Variants in SEC14L4 observed in about 807,000 individuals in gnomAD.
SEC14L4 encodes SEC14-like protein 4.
In SEC14L4, 42 loss-of-function variants were observed where a neutral mutation model predicts 55.1. That is an observed-to-expected ratio of 0.76 (90% CI 0.60 to 0.99). SEC14L4 has a LOEUF of 0.99. Among genes scored for constraint, SEC14L4 ranks in the 50% least tolerant of loss-of-function variants. The probability of loss-of-function intolerance (pLI) is 0.00; values close to 1 mark genes in which losing one functional copy is unlikely to be tolerated. For missense variants in SEC14L4, 445 were observed against 512.1 expected, an observed-to-expected ratio of 0.87 and a Z score of 1.27; for synonymous variants, 206 against 206.8, an observed-to-expected ratio of 1.00 and a Z score of 0.03.
In SEC14L4 at chr22:30,494,946, C is replaced by T. The variant is rs202208921; in HGVS notation, c.439G>A (p.Glu147Lys). Residue 147 changes from glutamate (E) to lysine (K), a missense_variant, in exon 6 of 12, where the codon GAG (glutamate) becomes AAG (lysine). Glu to Lys is a moderately conservative substitution (Grantham distance 56). Coordinates refer to ENST00000255858, the MANE Select transcript of SEC14L4 (RefSeq NM_174977.4). ...LQTQKLGRKI[E>K]MALMVFDMEG... is the part of the protein sequence containing the mutation. ...ATGTCAAACACCATCAGCGCCATCT[C>T]GATCTTCCTGCCCAGCTGCTTGGGA... 1.6e-5 allele frequency: 26 copies of T among 1,613,300 alleles called. No individual in the cohort carries two copies. The highest frequency in any genetic ancestry group is 4.0e-5 in the African/African-American group (3 of 74,816).
chr22:30,491,641 G>A lies in SEC14L4; in HGVS notation c.1013C>T (p.Pro338Leu). 6 of 1,614,150 alleles carry A rather than the reference G, an allele frequency of 3.7e-6. No homozygotes were observed. The highest frequency in any genetic ancestry group is 5.1e-6 in the Non-Finnish European group (6 of 1,180,018). ...QSAREMTEVL[P>L]SQRYNAHMVP... ...CATGTGGGCATTGTAGCGCTGGCTG[G>A]GCAGCACCTCCGTCATCTCCCTAGC... Residue 338 changes from proline (P) to leucine (L), a missense_variant, in exon 11 of 12, where the codon CCC (proline) becomes CTC (leucine). Transcript: ENST00000255858.
intron 2 of SEC14L4, among the ~76,000 whole-genome samples, chr22:30,497,480 G>A (rs897643866): frequency 4.7e-5 from 7 of 150,498 alleles, no homozygotes; most frequent in South Asian, 2.1e-4. Context: ...AGCCAAGATC[G>A]CACTACTGCA....
intron 11 of SEC14L4, 56 bp downstream of exon 11, chr22:30,491,517 C>T: frequency 6.2e-7 from 1 of 1,600,950 alleles, no homozygotes; most frequent in Non-Finnish European, 8.5e-7. Flanking sequence ...AAAGAGAGGG[C>T]AAGCAGAGGG....
intron 7 of SEC14L4, among the ~76,000 whole-genome samples, chr22:30,493,083 CAAAA>C (rs10593638): frequency 7.5e-5 from 6 of 80,440 alleles, no homozygotes; most frequent in Admixed American, 1.3e-4. Context: ...GATTCCATCT[CAAAA>C]AAAAAAAAAA....
chr22:30,505,687 C>A lies in SEC14L4; in HGVS notation c.-76G>T. On this transcript the variant is annotated 5_prime_UTR_variant, in exon 1 of 12. Coordinates refer to ENST00000255858, the MANE Select transcript of SEC14L4 (RefSeq NM_174977.4). ...CCGCCTGGCCTTGTATCCGCTGCCGCCTGGTTGTGCCTCCTGGGCCAGATG... is the reference window on the plus strand; with the variant it reads ...CCGCCTGGCCTTGTATCCGCTGCCGACTGGTTGTGCCTCCTGGGCCAGATG... 1 of 1,371,520 alleles carries A rather than the reference C, an allele frequency of 7.3e-7. No homozygotes were observed. The highest frequency in any genetic ancestry group is 9.8e-7 in the Non-Finnish European group (1 of 1,015,448). The allele number at this position is 1,371,520 out of a possible 1,614,324, so 85.0% of individuals were successfully genotyped here. A position where few individuals can be genotyped will look rare whatever the true frequency, so the allele number is the denominator to read the frequency against.
intron 2 of SEC14L4, among the ~76,000 whole-genome samples, chr22:30,502,598 T>C (rs1189937140): frequency 6.6e-6 from 1 of 152,232 alleles, no homozygotes; most frequent in Admixed American, 6.5e-5. Flanking sequence ...TCGCCTAGGC[T>C]GGAGTGCAGT....
rs1283506877 is a variant in SEC14L4 at position 30,503,728 on chromosome 22, G to A, written c.79C>T (p.Leu27=). The A allele has an allele frequency of 6.2e-7, 1 of 1,612,406 alleles. No individual in the cohort carries two copies. Residue 27 remains leucine (L), a synonymous_variant, in exon 2 of 12, where the codon CTG becomes TTG. Transcript: ENST00000255858. The part of the protein sequence containing the change: ...ARFRENLQDL[L]PILPNADDYF... ...TCATCAGCATTGGGCAGTATGGGCA[G>A]CAGGTCCTGGAGGTTCTCCCGGAAC...
chr22:30,505,613 G>A lies in SEC14L4; in HGVS notation c.-2C>T, dbSNP rs902357633. 1.9e-6 allele frequency: 3 copies of A among 1,555,144 alleles called. No individual in the cohort carries two copies. Among genetic ancestry groups the A allele is most frequent in the South Asian group, 1.2e-5 (1 of 85,056 alleles). The stretch of plus-strand genomic sequence containing the variant: ...CAGGTCCCCGACTCGGCTGCTCATG[G>A]TGCCCGCGGGCGCAGAAAGGCTCAG... On this transcript the variant is annotated 5_prime_UTR_variant, in exon 1 of 12. Coordinates refer to ENST00000255858, the MANE Select transcript of SEC14L4 (RefSeq NM_174977.4).
intron 1 of SEC14L4, 98 bp downstream of exon 1, chr22:30,505,460 G>T: frequency 8.0e-7 from 1 of 1,254,364 alleles, no homozygotes. Flanking sequence ...CTCCAGGCTC[G>T]GTGTTCCAGT....
intron 10 of SEC14L4, 44 bp from the exon 11 acceptor site, chr22:30,491,786 C>T (rs1298425911): frequency 1.3e-5 from 21 of 1,612,220 alleles, no homozygotes; most frequent in Non-Finnish European, 1.6e-5. Context: ...GCCTGGGCTC[C>T]AGGCCCCTCC....
chr22:30,505,663 C>G lies in SEC14L4; in HGVS notation c.-52G>C. 1 of 1,494,716 alleles carries G rather than the reference C, an allele frequency of 6.7e-7. No individual in the cohort carries two copies. Among genetic ancestry groups the G allele is most frequent in the Non-Finnish European group, 8.9e-7 (1 of 1,120,586 alleles). 92.6% of individuals were successfully genotyped at this position (1,494,716 alleles called of 1,614,324 possible). A position where few individuals can be genotyped will look rare whatever the true frequency, so the allele number is the denominator to read the frequency against. On this transcript the variant is annotated 5_prime_UTR_variant, in exon 1 of 12. Coordinates refer to ENST00000255858, the MANE Select transcript of SEC14L4 (RefSeq NM_174977.4). ...GGGCGCAGGTCCGCCCGCCCGCCGC[C>G]GCCTGGCCTTGTATCCGCTGCCGCC...
rs61743177 is a variant in SEC14L4, at chr22:30,492,076, G to A, written c.744C>T (p.Pro248=). The A allele has an allele frequency of 8.0e-5, 129 of 1,613,784 alleles. No homozygotes were observed. The highest frequency in any genetic ancestry group is 9.9e-5 in the Non-Finnish European group (117 of 1,179,836). ...PVEFGGTMTD[P]DGNPKCLTKI... The stretch of plus-strand genomic sequence containing the variant: ...TGGTCAGGCACTTGGGGTTGCCATC[G>A]GGGTCAGTCATGGTCCCCCCAAACT... Residue 248 remains proline, a synonymous_variant, in exon 9 of 12, where the codon CCC becomes CCT. Transcript: ENST00000255858.
chr22:30,489,958 TG>T lies in SEC14L4; in HGVS notation c.*148del. On this transcript the variant is annotated 3_prime_UTR_variant, in exon 12 of 12. Transcript: ENST00000255858. ...GTGGCCCCTTCCTGCTTGGCCACTG[TG>T]CCAGGTGAGCCTACAATGAGATGAA... The T allele has an allele frequency of 6.4e-7, 1 of 1,552,546 alleles. No individual in the cohort carries two copies. The highest frequency in any genetic ancestry group is 8.7e-7 in the Non-Finnish European group (1 of 1,147,306).
At chr22:30,497,566 G>T (rs1228547394) in intron 2 of SEC14L4, among the ~76,000 whole-genome samples, 1 of 151,100 alleles carries the variant, frequency 6.6e-6, no homozygotes, top group East Asian at 1.9e-4. Flanking sequence ...CAACAGCTCA[G>T]CCTTGATTAT....
intron 2 of SEC14L4, among the ~76,000 whole-genome samples, chr22:30,499,531 A>T (rs1385081885): frequency 1.3e-5 from 2 of 151,044 alleles, no homozygotes; most frequent in African/African-American, 4.9e-5. Context: ...TGAGGTCAGG[A>T]GTTCGAGACC....
intron 5 of SEC14L4, 132 bp from the exon 6 acceptor site, chr22:30,495,093 T>C (rs113617499): frequency 7.9e-6 from 7 of 888,234 alleles, no homozygotes; most frequent in African/African-American, 3.4e-5. Context: ...TCCAGACAGA[T>C]GGACAACACC....
chr22:30,491,930 T>C lies in SEC14L4; in HGVS notation c.815A>G (p.Glu272Gly). The C allele has an allele frequency of 6.2e-7, 1 of 1,614,018 alleles. No homozygotes were observed. ...GEVPKSYYLC[E>G]QVRLQYEHTR... is the part of the protein sequence containing the mutation. ...GTGCTCATACTGCAGCCTCACCTGCTCGCACAGGTAGTAGCTCTTGGGCAC... is the reference window on the plus strand; with the variant it reads ...GTGCTCATACTGCAGCCTCACCTGCCCGCACAGGTAGTAGCTCTTGGGCAC... Residue 272 changes from glutamate to glycine, a missense_variant, in exon 10 of 12, where the codon GAG (glutamate) becomes GGG (glycine). Coordinates refer to ENST00000255858, the MANE Select transcript of SEC14L4 (RefSeq NM_174977.4).
intron 2 of SEC14L4, among the ~76,000 whole-genome samples, chr22:30,496,209 C>A (rs553002569): frequency 6.6e-6 from 1 of 152,246 alleles, no homozygotes; most frequent in East Asian, 1.9e-4. Flanking sequence ...TGGCCTCTGG[C>A]CCAGGTGATC....
At chr22:30,504,298 AC>A (rs1478924154) in intron 1 of SEC14L4, among the ~76,000 whole-genome samples, 1 of 150,174 alleles carries the variant, frequency 6.7e-6, no homozygotes, top group African/African-American at 2.5e-5. Context: ...CAAACAATCC[AC>A]CCGCCTTAGT....
Sources: gnomAD v4.1 joint callset for allele counts (sites outside exome capture counted in the v4.1 genomes callset) on GRCh38, gnomAD v4.1.1 for gene constraint, MANE v1.5 for transcripts, NCBI Gene and HGNC (gene_info 2026-07-23, HGNC 2026-07-21) for gene names.